The following POP5 variants were observed in gnomAD, a reference collection of about 807,000 sequenced individuals.
POP5 encodes the protein ribonuclease P/MRP protein subunit POP5.
POP5 carries 18 observed loss-of-function variants against 20.7 expected under a neutral mutation model. That is an observed-to-expected ratio of 0.87 (90% CI 0.60 to 1.29). The LOEUF (loss-of-function observed/expected upper bound fraction) is 1.29, where lower values mean the gene tolerates loss of function less well. Ranked by LOEUF, POP5 falls within the 50% of genes most tolerant of loss-of-function variation. The pLI, the probability that POP5 is intolerant of heterozygous loss-of-function variation, is 0.00. For missense variants in POP5, 200 were observed against 203.2 expected (o/e 0.98, Z 0.10); for synonymous variants, 91 against 78.0 (o/e 1.17, Z -0.88).
At position 120,579,754 on chromosome 12, in the gene POP5, C is replaced by T. The variant is rs1189630160; in HGVS notation, c.313+20G>A. 2 of 1,594,810 alleles carry T rather than the reference C, an allele frequency of 1.3e-6. No homozygotes were observed. Among genetic ancestry groups the T allele is most frequent in the Admixed American group, 1.7e-5 (1 of 59,926 alleles). On this transcript the variant is annotated intron_variant, in intron 3 of 4. Coordinates refer to ENST00000357500, the MANE Select transcript of POP5 (RefSeq NM_015918.4). ...CGTGTCACCAATTGAAAATCAGTAGCCATACCACCTCACTCCTACCTCCCA... is the reference window on the plus strand; with the variant it reads ...CGTGTCACCAATTGAAAATCAGTAGTCATACCACCTCACTCCTACCTCCCA...
At position 120,579,074 on chromosome 12, in the gene POP5, T is replaced by C; in HGVS notation, c.*244A>G. ...ACGGAAACCAGATACATTTATTAAA[T>C]CTACTCTTAGCCAAGCAATAAAGAT... On this transcript the variant is annotated 3_prime_UTR_variant, in exon 5 of 5. Coordinates refer to ENST00000357500, the MANE Select transcript of POP5 (RefSeq NM_015918.4). 1 of 555,624 alleles carries C rather than the reference T, an allele frequency of 1.8e-6. No homozygotes were observed. Among genetic ancestry groups the C allele is most frequent in the Non-Finnish European group, 3.2e-6 (1 of 310,894 alleles). The allele number at this position is 555,624 out of a possible 1,614,324, so 34.4% of individuals were successfully genotyped here. A position where few individuals can be genotyped will look rare whatever the true frequency, so the allele number is the denominator to read the frequency against.
chr12:120,580,963 CT>C (rs1451996584), intron 2 of POP5, 151 bp downstream of exon 2: 18 of 1,272,800 alleles, frequency 1.4e-5, no homozygotes, highest in Admixed American at 2.4e-5. Flanking sequence ...ATTTCGGACT[CT>C]CGCTTGGGGT....
At chr12:120,580,190 C>G in intron 2 of POP5, 1 of 354,832 alleles carries the variant, frequency 2.8e-6, no homozygotes, top group South Asian at 3.2e-5. Context: ...AGCAATGACC[C>G]CCGATCTCGC....
chr12:120,579,250 A>G lies in POP5; in HGVS notation c.*68T>C. The G allele has an allele frequency of 7.3e-7, 1 of 1,379,054 alleles. No individual in the cohort carries two copies. Among genetic ancestry groups the G allele is most frequent in the East Asian group, 2.3e-5 (1 of 43,746 alleles). 85.4% of individuals were successfully genotyped at this position (1,379,054 alleles called of 1,614,324 possible). On this transcript the variant is annotated 3_prime_UTR_variant, in exon 5 of 5. Transcript: ENST00000357500. The stretch of plus-strand genomic sequence containing the variant: ...ACTGTGGAAGATGCTGTTGCTACCC[A>G]GATTGTTCTGTTCAACAAGTGGGCC...
intron 2 of POP5, 90 bp downstream of exon 2, chr12:120,581,025 A>C: frequency 6.5e-7 from 1 of 1,541,522 alleles, no homozygotes; most frequent in Non-Finnish European, 8.7e-7. Context: ...GGGCTTGGCC[A>C]CTCGTGCCCC....
At position 120,579,412 on chromosome 12, in the gene POP5, C is replaced by A; in HGVS notation, c.398G>T (p.Gly133Val). 1 of 1,613,240 alleles carries A rather than the reference C, an allele frequency of 6.2e-7. No individual in the cohort carries two copies. The highest frequency in any genetic ancestry group is 8.5e-7 in the Non-Finnish European group (1 of 1,179,170). Residue 133 changes from glycine to valine, a missense_variant and splice_region_variant, in exon 5 of 5, where the codon GGA becomes GTA. Gly to Val is a moderately radical substitution (Grantham distance 109). Coordinates refer to ENST00000357500, the MANE Select transcript of POP5 (RefSeq NM_015918.4). ...LILLQNCTDE[G>V]EREAIQKSVT... ...AGACTTCTGGATAGCTTCCCGCTCT[C>A]CTGGAGAAGGCAGATAACAGGGATG...
chr12:120,580,470 A>G (rs144017175), intron 2 of POP5: 1 of 152,762 alleles, frequency 6.5e-6, no homozygotes, highest in Non-Finnish European at 1.5e-5. Context: ...TTTAGGAAAA[A>G]CCCCCACAAA....
At chr12:120,580,124 T>G (rs1054608445) in intron 2 of POP5, 3 of 491,786 alleles carry the variant, frequency 6.1e-6, no homozygotes, top group Non-Finnish European at 7.2e-6. Context: ...CACCTGTAAT[T>G]CCAGCCACTC....
chr12:120,580,723 A>ATTTAAGGGC (rs952668863), intron 2 of POP5: 1 of 232,534 alleles, frequency 4.3e-6, no homozygotes, highest in Non-Finnish European at 8.6e-6. Flanking sequence ...TTTACCAACT[A>ATTTAAGGGC]TTTAAGGGCT....
chr12:120,581,402 T>A lies in POP5; in HGVS notation c.-40A>T, dbSNP rs369425777. ...TCTCCGGTCCGGCGTGCAAACCGGA[T>A]GTGAATTCTGTCCGCTGCCAATGGG... On this transcript the variant is annotated 5_prime_UTR_variant, in exon 1 of 5. Transcript: ENST00000357500. The A allele has an allele frequency of 1.9e-5, 30 of 1,598,138 alleles. No individual in the cohort carries two copies. The highest frequency in any genetic ancestry group is 2.7e-5 in the African/African-American group (2 of 74,934).
Position 120,579,079 on chromosome 12 carries a change from T to C in POP5, c.*239A>G. ...AACCAGATACATTTATTAAATCTAC[T>C]CTTAGCCAAGCAATAAAGATGTCTA... On this transcript the variant is annotated 3_prime_UTR_variant, in exon 5 of 5. Coordinates refer to ENST00000357500, the MANE Select transcript of POP5 (RefSeq NM_015918.4). 1.8e-6 allele frequency: 1 copy of C among 566,282 alleles called. No individual in the cohort carries two copies. Among genetic ancestry groups the C allele is most frequent in the East Asian group, 3.0e-5 (1 of 33,558 alleles). The allele number at this position is 566,282 out of a possible 1,614,324, so 35.1% of individuals were successfully genotyped here. A position where few individuals can be genotyped will look rare whatever the true frequency, so the allele number is the denominator to read the frequency against.
Position 120,581,181 on chromosome 12 carries a change from C to A in POP5, c.97G>T (p.Val33Leu). Residue 33 changes from valine (V) to leucine (L), a missense_variant, in exon 2 of 5, where the codon GTA becomes TTA. Coordinates refer to ENST00000357500, the MANE Select transcript of POP5 (RefSeq NM_015918.4). ...SLDDRVLSSL[V>L]RDTIARVHGT... is the part of the protein sequence containing the mutation. Reference sequence around the variant, plus strand: ...TGCACCCTGGCGATCGTGTCCCGTACGAGGCTGCTCAGAACTCGGTCATCG... The same window carrying A: ...TGCACCCTGGCGATCGTGTCCCGTAAGAGGCTGCTCAGAACTCGGTCATCG... 1.2e-6 allele frequency: 2 copies of A among 1,613,940 alleles called. No individual in the cohort carries two copies. The highest frequency in any genetic ancestry group is 1.7e-6 in the Non-Finnish European group (2 of 1,180,052).
chr12:120,581,007 C>T, intron 2 of POP5, 108 bp downstream of exon 2: 1 of 1,470,248 alleles, frequency 6.8e-7, no homozygotes, highest in Admixed American at 2.2e-5. Context: ...TTACAAAAAA[C>T]GGTGCACGGG....
Position 120,581,261 on chromosome 12 carries a change from C to G in POP5, c.21-4G>C. ...CACCAGTTCGCAGAGCAGGTACCTG[C>G]GGCAGGCGAGAGGAAGGTGGACACT... is the stretch of plus-strand genomic sequence containing the variant. On this transcript the variant is annotated splice_region_variant and splice_polypyrimidine_tract_variant and intron_variant, in intron 1 of 4. Transcript: ENST00000357500. The G allele has an allele frequency of 6.2e-7, 1 of 1,614,198 alleles. No individual in the cohort carries two copies.
chr12:120,580,984 T>C, intron 2 of POP5, 131 bp downstream of exon 2: 1 of 1,409,984 alleles, frequency 7.1e-7, no homozygotes, highest in Non-Finnish European at 9.5e-7. Flanking sequence ...TCCCAGGCGC[T>C]TAAAGAGATA....
Position 120,580,016 on chromosome 12 carries a change from C to A in POP5, c.164-93G>T. 3 of 1,274,732 alleles carry A rather than the reference C, an allele frequency of 2.4e-6. 1 individual carries two copies. The South Asian group carries it at 4.1e-5, about 17-fold the overall frequency. The allele number at this position is 1,274,732 out of a possible 1,614,324, so 79.0% of individuals were successfully genotyped here. The stretch of plus-strand genomic sequence containing the variant: ...CAGCACTTTGGGAGGCTGAGGCGGG[C>A]AGATCACTTTAAGTCAGGAGTTCGA... On this transcript the variant is annotated intron_variant, in intron 2 of 4. Transcript: ENST00000357500.
At position 120,581,325 on chromosome 12, in the gene POP5, C is replaced by A; in HGVS notation, c.20+18G>T. On this transcript the variant is annotated intron_variant, in intron 1 of 4. Transcript: ENST00000357500. ...GGACCCAGCAAGGCACTGGGAGGGT[C>A]TGGAAGGGAATGCTTACCTGTGCTT... 1 of 1,614,102 alleles carries A rather than the reference C, an allele frequency of 6.2e-7. No individual in the cohort carries two copies. The highest frequency in any genetic ancestry group is 8.5e-7 in the Non-Finnish European group (1 of 1,179,994).
Position 120,579,527 on chromosome 12 carries a change from G to C in POP5, c.384C>G (p.Asn128Lys), listed in dbSNP as rs767877685. ...NRRQLLILLQNCTDEGEREAI... is the reference protein window; with the variant it reads ...NRRQLLILLQKCTDEGEREAI... ...AGTGTTGCTTACCTTCATCAGTGCA[G>C]TTCTGCAACAAGATCAACAGCTGTC... Residue 128 changes from asparagine (N) to lysine (K), a missense_variant, in exon 4 of 5, where the codon AAC becomes AAG. Transcript: ENST00000357500. The C allele has an allele frequency of 1.2e-5, 19 of 1,614,052 alleles. No individual in the cohort carries two copies. The Middle Eastern group carries it at 8.2e-4, about 70-fold the overall frequency.
chr12:120,581,181 C>G lies in POP5; in HGVS notation c.97G>C (p.Val33Leu). Residue 33 changes from valine (V) to leucine (L), a missense_variant, in exon 2 of 5, where the codon GTA becomes CTA. Val to Leu is a conservative substitution (Grantham distance 32). Coordinates refer to ENST00000357500, the MANE Select transcript of POP5 (RefSeq NM_015918.4). ...TGCACCCTGGCGATCGTGTCCCGTACGAGGCTGCTCAGAACTCGGTCATCG... is the reference window on the plus strand; with the variant it reads ...TGCACCCTGGCGATCGTGTCCCGTAGGAGGCTGCTCAGAACTCGGTCATCG... ...SLDDRVLSSL[V>L]RDTIARVHGT... 1 of 1,613,940 alleles carries G rather than the reference C, an allele frequency of 6.2e-7. No homozygotes were observed. Among genetic ancestry groups the G allele is most frequent in the South Asian group, 1.1e-5 (1 of 91,088 alleles).
Sources: gnomAD v4.1 joint callset for allele counts on GRCh38, gnomAD v4.1.1 for gene constraint, MANE v1.5 for transcripts, NCBI Gene and HGNC (gene_info 2026-07-23, HGNC 2026-07-21) for gene names.